Variants in DUSP16 observed in about 807,000 individuals in gnomAD.
The protein encoded by DUSP16 is dual specificity protein phosphatase 16.
DUSP16 carries 21 observed loss-of-function variants against 58.3 expected under a neutral mutation model. That is an observed-to-expected ratio of 0.36 (90% CI 0.26 to 0.52). The LOEUF (loss-of-function observed/expected upper bound fraction) is 0.52, where lower values mean the gene tolerates loss of function less well. Among genes scored for constraint, DUSP16 ranks in the 20% least tolerant of loss-of-function variants. The pLI is 0.94. For synonymous variants in DUSP16, 320 were observed against 323.8 expected (o/e 0.99, Z 0.12); for missense variants, 726 against 819.0 (o/e 0.89, Z 1.39).
In DUSP16 at chr12:12,549,719, C is replaced by T. The variant is rs1196268257; in HGVS notation, c.-366+12398G>A. Among the ~76,000 whole-genome samples the T allele has an allele frequency of 2.6e-5, 4 of 151,254 alleles. No homozygotes were observed. In the South Asian group the frequency reaches 8.4e-4, roughly 32 times the overall value. On this transcript the variant is annotated intron_variant, in intron 1 of 6. Transcript: ENST00000298573. ...AACTCAGTACCCTGGATTTTGAATACAATAAGTAAGTATGAACAGATATGT... is the reference window on the plus strand; with the variant it reads ...AACTCAGTACCCTGGATTTTGAATATAATAAGTAAGTATGAACAGATATGT...
At chr12:12,492,459 C>A (rs1050667024) in intron 4 of DUSP16, among the ~76,000 whole-genome samples, 8 of 152,138 alleles carry the variant, frequency 5.3e-5, no homozygotes, top group African/African-American at 1.9e-4. Flanking sequence ...GCCAATCCCT[C>A]CGCTTGCTAA....
At chr12:12,524,901 T>C (rs879637875) in intron 1 of DUSP16, among the ~76,000 whole-genome samples, 2 of 152,170 alleles carry the variant, frequency 1.3e-5, no homozygotes, top group Non-Finnish European at 2.9e-5. Context: ...TGCCACGATA[T>C]TGAAACTTCA....
intron 1 of DUSP16, among the ~76,000 whole-genome samples, chr12:12,531,317 T>C (rs1414551637): frequency 1.3e-5 from 2 of 152,220 alleles, no homozygotes; most frequent in Non-Finnish European, 2.9e-5. Context: ...ATTTAATCTA[T>C]TTTAAATCTC....
At chr12:12,548,460 C>G (rs1323766072) in intron 1 of DUSP16, among the ~76,000 whole-genome samples, 4 of 151,862 alleles carry the variant, frequency 2.6e-5, no homozygotes, top group Middle Eastern at 3.4e-3. Flanking sequence ...GGTGAAACCC[C>G]ATCTCTACTA....
At chr12:12,506,131 T>G (rs1364410701) in intron 3 of DUSP16, 1 of 152,228 alleles carries the variant, frequency 6.6e-6, no homozygotes, top group East Asian at 1.9e-4. Flanking sequence ...TTTCGTTTCA[T>G]TAATTAACAA....
At position 12,476,956 on chromosome 12, in the gene DUSP16, G is replaced by C; in HGVS notation, c.1875C>G (p.Arg625=). Reference sequence around the variant, plus strand: ...CTCCAAATTCCATTTGGCAGCTTCTGCGTTTAAACTGCTTTTCAAAGGGGC... The same window carrying C: ...CTCCAAATTCCATTTGGCAGCTTCTCCGTTTAAACTGCTTTTCAAAGGGGC... The part of the protein sequence containing the change: ...EESPFEKQFK[R]RSCQMEFGES... Residue 625 remains arginine (R), a synonymous_variant, in exon 7 of 7, where the codon CGC becomes CGG. Transcript: ENST00000298573. The C allele has an allele frequency of 6.2e-7, 1 of 1,614,178 alleles. No individual in the cohort carries two copies. Among genetic ancestry groups the C allele is most frequent in the South Asian group, 1.1e-5 (1 of 91,084 alleles).
intron 1 of DUSP16, among the ~76,000 whole-genome samples, chr12:12,561,915 C>T (rs1208065662): frequency 1.3e-5 from 2 of 150,534 alleles, no homozygotes; most frequent in Non-Finnish European, 3.0e-5. Flanking sequence ...TCCTGCGGCC[C>T]CCGGCCGCGG....
At chr12:12,495,239 A>C (rs1458721505) in intron 4 of DUSP16, among the ~76,000 whole-genome samples, 13 of 74,888 alleles carry the variant, frequency 1.7e-4, no homozygotes, top group East Asian at 7.0e-4. Context: ...GCCATTACAA[A>C]AAAAAAAAAA....
intron 1 of DUSP16, among the ~76,000 whole-genome samples, chr12:12,522,820 T>G (rs1944255352): frequency 6.6e-6 from 1 of 152,154 alleles, no homozygotes; most frequent in African/African-American, 2.4e-5. Context: ...TGTCTCAGCC[T>G]CCCAAAGTGC....
intron 3 of DUSP16, among the ~76,000 whole-genome samples, chr12:12,501,605 A>G (rs902036295): frequency 6.6e-6 from 1 of 152,180 alleles, no homozygotes; most frequent in African/African-American, 2.4e-5. Flanking sequence ...ATAAATTTTC[A>G]GATATACGCC....
intron 1 of DUSP16, among the ~76,000 whole-genome samples, chr12:12,539,809 G>A (rs1288924173): frequency 6.6e-6 from 1 of 151,152 alleles, no homozygotes; most frequent in East Asian, 1.9e-4. Flanking sequence ...CCAGCACTTT[G>A]GGAGGCCGAG....
chr12:12,503,350 C>T (rs1276874987), intron 3 of DUSP16, among the ~76,000 whole-genome samples: 2 of 151,578 alleles, frequency 1.3e-5, no homozygotes, highest in African/African-American at 2.4e-5. Flanking sequence ...CTCAGCCTCC[C>T]GAGTAGCTGG....
At chr12:12,548,755 C>T (rs1944685749) in intron 1 of DUSP16, among the ~76,000 whole-genome samples, 1 of 152,018 alleles carries the variant, frequency 6.6e-6, no homozygotes. Flanking sequence ...TCAAGAACTG[C>T]TCCAGGATAC....
chr12:12,547,443 C>CA (rs1191915172), intron 1 of DUSP16, among the ~76,000 whole-genome samples: 4 of 71,880 alleles, frequency 5.6e-5, no homozygotes, highest in South Asian at 5.5e-4. Context: ...ACAAAACAAA[C>CA]AAACAAAAAA....
chr12:12,510,200 T>C (rs1234156620), intron 3 of DUSP16, among the ~76,000 whole-genome samples: 5 of 152,136 alleles, frequency 3.3e-5, no homozygotes, highest in Non-Finnish European at 5.9e-5. Flanking sequence ...ACTATGATTA[T>C]ACCCCAGATG....
chr12:12,482,422 A>C lies in DUSP16; in HGVS notation c.692-2076T>G, dbSNP rs562895903. Among the ~76,000 whole-genome samples the C allele has an allele frequency of 8.5e-5, 13 of 152,302 alleles. No individual in the cohort carries two copies. The South Asian group carries it at 2.5e-3, about 29-fold the overall frequency. ...TGTTTTTATAACCACAACTCTTTTG[A>C]TGACGTCTTTTAAAAATGAAAAAAA... On this transcript the variant is annotated intron_variant, in intron 5 of 6. Coordinates refer to ENST00000298573, the MANE Select transcript of DUSP16 (RefSeq NM_030640.3).
chr12:12,490,298 A>C (rs1307019505), intron 4 of DUSP16, among the ~76,000 whole-genome samples: 1 of 152,188 alleles, frequency 6.6e-6, no homozygotes, highest in Non-Finnish European at 1.5e-5. Context: ...TTTTAGCTTA[A>C]AAGGTCTATT....
At chr12:12,550,047 T>A (rs978856468) in intron 1 of DUSP16, among the ~76,000 whole-genome samples, 49 of 152,160 alleles carry the variant, frequency 3.2e-4, no homozygotes, top group African/African-American at 1.2e-3. Flanking sequence ...CTGAGGCAGG[T>A]GGATCACCTG....
Position 12,474,001 on chromosome 12 carries a change from C to T in DUSP16, c.*2832G>A, listed in dbSNP as rs575951034. ...CACTGTAGTGTGCATTTAACGTACA[C>T]AGTAAAGAATGAAGGCTGGCACTAA... On this transcript the variant is annotated 3_prime_UTR_variant, in exon 7 of 7. Coordinates refer to ENST00000298573, the MANE Select transcript of DUSP16 (RefSeq NM_030640.3). 6.6e-6 allele frequency among the ~76,000 whole-genome samples: 1 copy of T among 152,276 alleles called. No individual in the cohort carries two copies. The highest frequency in any genetic ancestry group is 1.5e-5 in the Non-Finnish European group (1 of 68,022).
Sources: gnomAD v4.1 joint callset for allele counts (sites outside exome capture counted in the v4.1 genomes callset) on GRCh38, gnomAD v4.1.1 for gene constraint, MANE v1.5 for transcripts, NCBI Gene and HGNC (gene_info 2026-07-23, HGNC 2026-07-21) for gene names.